The following PIK3CG variants were observed in gnomAD, a reference collection of about 807,000 sequenced individuals.
PIK3CG encodes the protein phosphatidylinositol 4,5-bisphosphate 3-kinase catalytic subunit gamma isoform.
PIK3CG carries 55 observed loss-of-function variants against 102.3 expected under a neutral mutation model. The observed-to-expected ratio is 0.54, with a 90% CI of 0.43 to 0.67. The LOEUF is 0.67. Among genes scored for constraint, PIK3CG ranks in the 30% least tolerant of loss-of-function variants. The pLI is 0.00. For missense variants in PIK3CG, 1,258 were observed against 1,391.8 expected (o/e 0.90, Z 1.53); for synonymous variants, 552 against 540.0 (o/e 1.02, Z -0.31).
rs980823183 is a variant in PIK3CG at position 106,907,271 on chromosome 7, G to C, written c.*1884G>C. The C allele has an allele frequency of 6.4e-6, 1 of 155,806 alleles. No homozygotes were observed. Among genetic ancestry groups the C allele is most frequent in the Non-Finnish European group, 1.4e-5 (1 of 70,186 alleles). 9.7% of individuals were successfully genotyped at this position (155,806 alleles called of 1,614,324 possible). ...CAGCCAGAGTTGGAAGCCCTGCGTG[G>C]CCTTTGAAGGTCTAGATGATTCTTC... On this transcript the variant is annotated 3_prime_UTR_variant, in exon 11 of 11. Transcript: ENST00000496166.
rs747163273 is a variant in PIK3CG at position 106,867,592 on chromosome 7, G to A, written c.31G>A (p.Val11Met). Reference protein sequence around the residue: MELENYKQPVVLREDNCRRRR... With the variant: MELENYKQPVMLREDNCRRRR... ...GCTGGAGAACTATAAACAGCCCGTGGTGCTGAGAGAGGACAACTGCCGAAG... is the reference window on the plus strand; with the variant it reads ...GCTGGAGAACTATAAACAGCCCGTGATGCTGAGAGAGGACAACTGCCGAAG... The change falls in exon 2 of 11, where the codon GTG (valine) becomes ATG (methionine). Residue 11 changes from valine to methionine, a missense_variant. Val to Met is a conservative substitution (Grantham distance 21). Around this residue, in one of 2 missense-constraint regions of PIK3CG, gnomAD observed 832 missense variants for 787.5 expected, o/e 1.06. Coordinates refer to ENST00000496166, the MANE Select transcript of PIK3CG (RefSeq NM_001282426.2). The surrounding 1 kb of genome is among the most constrained non-coding windows in gnomAD (Gnocchi z 5.1). The A allele has an allele frequency of 6.9e-6, 11 of 1,600,216 alleles. No individual in the cohort carries two copies. The East Asian group carries it at 1.8e-4, about 26-fold the overall frequency.
Position 106,879,631 on chromosome 7 carries a change from G to T in PIK3CG, c.2504G>T (p.Gly835Val), listed in dbSNP as rs2116524351. The T allele has an allele frequency of 1.9e-6, 3 of 1,613,098 alleles. No individual in the cohort carries two copies. The highest frequency in any genetic ancestry group is 2.5e-6 in the Non-Finnish European group (3 of 1,179,108). The change falls in exon 6 of 11, where the codon GGT becomes GTT. Residue 835 changes from glycine (G) to valine (V), a missense_variant. Around this residue, in one of 2 missense-constraint regions of PIK3CG, gnomAD observed 426 missense variants for 604.2 expected, o/e 0.71. Transcript: ENST00000496166. The surrounding 1 kb of genome is among the most constrained non-coding windows in gnomAD (Gnocchi z 4.9). Reference protein sequence around the residue: ...NETIGIIFKHGDDLRQDMLIL... With the variant: ...NETIGIIFKHVDDLRQDMLIL... ...ACAATTGGAATTATCTTTAAACATGGTGATGATCTGCGCCAAGACATGCTT... is the reference window on the plus strand; with the variant it reads ...ACAATTGGAATTATCTTTAAACATGTTGATGATCTGCGCCAAGACATGCTT...
Position 106,897,423 on chromosome 7 carries a change from T to G in PIK3CG, c.3031-7686T>G, listed in dbSNP as rs376890935. Among the ~76,000 whole-genome samples the G allele has an allele frequency of 6.6e-6, 1 of 152,220 alleles. No individual in the cohort carries two copies. The highest frequency in any genetic ancestry group is 1.5e-5 in the Non-Finnish European group (1 of 68,040). ...GGCTGGGGGTACATGTGAAAGTTTG[T>G]TACATAGGTAAACACATGTCACAGG... On this transcript the variant is annotated intron_variant, in intron 10 of 10. Transcript: ENST00000496166. This position sits in a 1 kb window ranked among gnomAD's most constrained non-coding sequence, Gnocchi z 4.6.
rs1791735378 is a variant in PIK3CG, at chr7:106,908,032, T to C, written c.*2645T>C. On this transcript the variant is annotated 3_prime_UTR_variant, in exon 11 of 11. Transcript: ENST00000496166. The surrounding 1 kb of genome is among the most constrained non-coding windows in gnomAD (Gnocchi z 4.1). ...TCTAGAACTAGAATCATCCTGCTAC[T>C]GGGAACTACCCACAGCTCTATCTTC... Among the ~76,000 whole-genome samples the C allele has an allele frequency of 6.6e-6, 1 of 152,132 alleles. No homozygotes were observed.
intron 10 of PIK3CG, among the ~76,000 whole-genome samples, chr7:106,888,045 A>G (rs1019223415): frequency 6.7e-6 from 1 of 148,624 alleles, no homozygotes; most frequent in African/African-American, 2.5e-5. Context: ...GGTTCAAGCA[A>G]TTCTCCTGCC....
rs183564851 is a variant in PIK3CG at position 106,897,596 on chromosome 7, C to A, written c.3031-7513C>A. Among the ~76,000 whole-genome samples, 5 of 152,130 alleles carry A rather than the reference C, an allele frequency of 3.3e-5. No individual in the cohort carries two copies. In the East Asian group the frequency reaches 9.6e-4, roughly 29 times the overall value. On this transcript the variant is annotated intron_variant, in intron 10 of 10. Transcript: ENST00000496166. This position sits in a 1 kb window ranked among gnomAD's most constrained non-coding sequence, Gnocchi z 4.6. ...CTTCCTTGTGTTCATAAGTTCTTAT[C>A]ATTTAGCTCCCACTTATAAGAGAGA...
chr7:106,876,293 A>G (rs184889740), intron 5 of PIK3CG, among the ~76,000 whole-genome samples: 1 of 152,192 alleles, frequency 6.6e-6, no homozygotes, highest in African/African-American at 2.4e-5. Flanking sequence ...GCATTTCCAT[A>G]ATAAGGTTGA....
rs2116446528 is a variant in PIK3CG at position 106,868,664 on chromosome 7, T to C, written c.1103T>C (p.Ile368Thr). ...DRKFRVKIRG[I>T]DIPVLPRNTD... ...AAGTTCAGGGTCAAGATCAGAGGCATTGATATCCCCGTCCTGCCTCGGAAC... is the reference window on the plus strand; with the variant it reads ...AAGTTCAGGGTCAAGATCAGAGGCACTGATATCCCCGTCCTGCCTCGGAAC... The change falls in exon 2 of 11, where the codon ATT (isoleucine) becomes ACT (threonine). Residue 368 changes from isoleucine (I) to threonine (T), a missense_variant. This residue lies in a region of PIK3CG where 832 missense variants were observed against 787.5 expected (regional missense o/e 1.06). Coordinates refer to ENST00000496166, the MANE Select transcript of PIK3CG (RefSeq NM_001282426.2). The surrounding 1 kb of genome is among the most constrained non-coding windows in gnomAD (Gnocchi z 6.2). 6.2e-7 allele frequency: 1 copy of C among 1,614,202 alleles called. No homozygotes were observed. The highest frequency in any genetic ancestry group is 8.5e-7 in the Non-Finnish European group (1 of 1,180,046).
chr7:106,882,700 C>A, intron 7 of PIK3CG: 1 of 211,512 alleles, frequency 4.7e-6, no homozygotes, highest in Non-Finnish European at 9.3e-6. Context: ...ACATTTAACC[C>A]TGTAATTTAA....
At position 106,869,061 on chromosome 7, in the gene PIK3CG, C is replaced by A. The variant is rs1790434858; in HGVS notation, c.1500C>A (p.Asp500Glu). Residue 500 changes from aspartate to glutamate, a missense_variant, in exon 2 of 11, where the codon GAC (aspartate) becomes GAA (glutamate). Asp to Glu is a conservative substitution (Grantham distance 45). Coordinates refer to ENST00000496166, the MANE Select transcript of PIK3CG (RefSeq NM_001282426.2). This position sits in a 1 kb window ranked among gnomAD's most constrained non-coding sequence, Gnocchi z 5.3. ...AAGACCAAGGAAGCTTCAATGCTGA[C>A]AAACTCACGTCTGCAACTAACCCAG... ...KGEDQGSFNA[D>E]KLTSATNPDK... 2 of 1,614,202 alleles carry A rather than the reference C, an allele frequency of 1.2e-6. No individual in the cohort carries two copies. Among genetic ancestry groups the A allele is most frequent in the Non-Finnish European group, 1.7e-6 (2 of 1,180,040 alleles).
Position 106,883,071 on chromosome 7 carries a change from A to C in PIK3CG, c.2668A>C (p.Lys890Gln). 1 of 1,614,180 alleles carries C rather than the reference A, an allele frequency of 6.2e-7. No homozygotes were observed. Among genetic ancestry groups the C allele is most frequent in the Non-Finnish European group, 8.5e-7 (1 of 1,180,012 alleles). Residue 890 changes from lysine (K) to glutamine (Q), a missense_variant, in exon 8 of 11, where the codon AAA becomes CAA. Around this residue, in one of 2 missense-constraint regions of PIK3CG, gnomAD observed 426 missense variants for 604.2 expected, o/e 0.71. Transcript: ENST00000496166. This position sits in a 1 kb window ranked among gnomAD's most constrained non-coding sequence, Gnocchi z 5.8. The stretch of plus-strand genomic sequence containing the variant: ...TGTGAAAGACGCCACGACAATTGCC[A>C]AAATTCAGCAAAGCACAGTGGGCAA... ...EIVKDATTIA[K>Q]IQQSTVGNTG...
rs2116415140 is a variant in PIK3CG, at chr7:106,867,543, C to T, written c.-12-7C>T. The stretch of plus-strand genomic sequence containing the variant: ...TGTGACAAATCCCTGTGTCCCTCCG[C>T]TCCCAGGTCGCATAGGGCATGGAGC... On this transcript the variant is annotated splice_region_variant and splice_polypyrimidine_tract_variant and intron_variant, in intron 1 of 10. Transcript: ENST00000496166. The surrounding 1 kb of genome is among the most constrained non-coding windows in gnomAD (Gnocchi z 5.1). 1 of 1,529,780 alleles carries T rather than the reference C, an allele frequency of 6.5e-7. No homozygotes were observed. The highest frequency in any genetic ancestry group is 1.4e-5 in the African/African-American group (1 of 71,922). The allele number at this position is 1,529,780 out of a possible 1,614,324, so 94.8% of individuals were successfully genotyped here.
rs1014270549 is a variant in PIK3CG, at chr7:106,880,486, G to A, written c.2538+821G>A. Among the ~76,000 whole-genome samples the A allele has an allele frequency of 3.3e-5, 5 of 151,976 alleles. No homozygotes were observed. The East Asian group carries it at 9.6e-4, about 29-fold the overall frequency. ...TGCTTTCAAGAATGATCTATGTTTT[G>A]TCCAGGAGGTATTTTAGAAAAGAAA... On this transcript the variant is annotated intron_variant, in intron 6 of 10. Coordinates refer to ENST00000496166, the MANE Select transcript of PIK3CG (RefSeq NM_001282426.2). This position sits in a 1 kb window ranked among gnomAD's most constrained non-coding sequence, Gnocchi z 4.2.
chr7:106,867,625 A>C lies in PIK3CG; in HGVS notation c.64A>C (p.Arg22=). 1 of 1,611,740 alleles carries C rather than the reference A, an allele frequency of 6.2e-7. No individual in the cohort carries two copies. The highest frequency in any genetic ancestry group is 1.3e-5 in the African/African-American group (1 of 74,942). Residue 22 remains arginine (R), a synonymous_variant, in exon 2 of 11, where the codon AGG becomes CGG. Transcript: ENST00000496166. The surrounding 1 kb of genome is among the most constrained non-coding windows in gnomAD (Gnocchi z 5.1). The part of the protein sequence containing the change: ...LREDNCRRRR[R]MKPRSAAASL... Reference sequence around the variant, plus strand: ...AGAGGACAACTGCCGAAGGCGCCGGAGGATGAAGCCGCGCAGTGCTGCGGC... The same window carrying C: ...AGAGGACAACTGCCGAAGGCGCCGGCGGATGAAGCCGCGCAGTGCTGCGGC...
rs569219747 is a variant in PIK3CG at position 106,868,079 on chromosome 7, T to C, written c.518T>C (p.Leu173Pro). ...GTCAGCAACGTGCACGACGATGAGC[T>C]GGAGTTCACGCGCCGTGGCTTGGTG... ...TDVSNVHDDE[L>P]EFTRRGLVTP... is the part of the protein sequence containing the mutation. The change falls in exon 2 of 11, where the codon CTG becomes CCG. Residue 173 changes from leucine to proline, a missense_variant. Physicochemically the swap from Leu to Pro is moderately conservative, Grantham distance 98 (BLOSUM62 -3). This residue lies in a region of PIK3CG where 832 missense variants were observed against 787.5 expected (regional missense o/e 1.06). Transcript: ENST00000496166. This position sits in a 1 kb window ranked among gnomAD's most constrained non-coding sequence, Gnocchi z 6.2. 3 of 1,612,966 alleles carry C rather than the reference T, an allele frequency of 1.9e-6. No homozygotes were observed. The highest frequency in any genetic ancestry group is 1.3e-5 in the African/African-American group (1 of 75,050).
At chr7:106,875,898 G>GTT (rs371417092) in intron 5 of PIK3CG, among the ~76,000 whole-genome samples, 46 of 130,864 alleles carry the variant, frequency 3.5e-4, no homozygotes, top group South Asian at 7.2e-4. Flanking sequence ...GTTATCATCA[G>GTT]TTTTTTTTTT....
chr7:106,870,525 A>T (rs1790498072), intron 2 of PIK3CG, among the ~76,000 whole-genome samples: 1 of 152,210 alleles, frequency 6.6e-6, no homozygotes, highest in Non-Finnish European at 1.5e-5. Flanking sequence ...ACACAAATAG[A>T]TGTTTAATAC....
Position 106,905,311 on chromosome 7 carries a change from A to G in PIK3CG, c.3233A>G (p.Lys1078Arg). The G allele has an allele frequency of 6.2e-7, 1 of 1,614,106 alleles. No individual in the cohort carries two copies. Among genetic ancestry groups the G allele is most frequent in the Non-Finnish European group, 8.5e-7 (1 of 1,179,976 alleles). Residue 1078 changes from lysine (K) to arginine (R), a missense_variant, in exon 11 of 11, where the codon AAA becomes AGA. Physicochemically the swap from Lys to Arg is conservative, Grantham distance 26 (BLOSUM62 2). Coordinates refer to ENST00000496166, the MANE Select transcript of PIK3CG (RefSeq NM_001282426.2). The surrounding 1 kb of genome is among the most constrained non-coding windows in gnomAD (Gnocchi z 5.6). ...GATCAGATCGAAGTTTGCAGAGACA[A>G]AGGATGGACTGTGCAGTTTAATTGG... is the stretch of plus-strand genomic sequence containing the variant. ...FLDQIEVCRD[K>R]GWTVQFNWFL...
At chr7:106,876,453 A>G (rs961865873) in intron 5 of PIK3CG, among the ~76,000 whole-genome samples, 2 of 148,504 alleles carry the variant, frequency 1.3e-5, no homozygotes, top group African/African-American at 5.0e-5. Flanking sequence ...GTGCAGAGGC[A>G]CGATCTCGGC....
Sources: allele counts gnomAD v4.1 joint callset (sites outside exome capture counted in the v4.1 genomes callset), GRCh38; gene constraint gnomAD v4.1.1; regional missense constraint gnomAD v4.1.1; non-coding constraint Gnocchi (gnomAD v3.1); transcripts MANE v1.5; gene names NCBI Gene and HGNC (gene_info 2026-07-23, HGNC 2026-07-21).